The following PARD3B variants were observed in gnomAD, a reference collection of about 807,000 sequenced individuals.
The protein encoded by PARD3B is par-3 family cell polarity regulator beta.
Under a neutral mutation model 130.2 loss-of-function variants are expected in PARD3B, and 103 were observed. That is an observed-to-expected ratio of 0.79 (90% confidence interval 0.67 to 0.93). The LOEUF (loss-of-function observed/expected upper bound fraction) is 0.93, where lower values mean the gene tolerates loss of function less well. Ranked by LOEUF, PARD3B falls within the 40% of genes least tolerant of loss-of-function variation. PARD3B has a pLI of 0.00. For missense variants in PARD3B, 1,609 were observed against 1,499.2 expected, an observed-to-expected ratio of 1.07 and a Z score of -1.21; for synonymous variants, 583 against 553.2, an observed-to-expected ratio of 1.05 and a Z score of -0.76.
chr2:205,590,874 C>A lies in PARD3B; in HGVS notation c.3261-24582C>A, dbSNP rs61081943. On this transcript the variant is annotated intron_variant, in intron 22 of 22. Coordinates refer to ENST00000406610, the MANE Select transcript of PARD3B (RefSeq NM_001302769.2). This position sits in a 1 kb window ranked among gnomAD's most constrained non-coding sequence, Gnocchi z 4.1. ...TCCGGTCTGCTTGTCATTTGACCCA[C>A]AGGCTTCAAGAATACTTCCTCAAGT... Among the ~76,000 whole-genome samples, 4 of 152,224 alleles carry A rather than the reference C, an allele frequency of 2.6e-5. No individual in the cohort carries two copies. In the East Asian group the frequency reaches 7.8e-4, roughly 30 times the overall value.
intron 12 of PARD3B, among the ~76,000 whole-genome samples, chr2:205,173,342 G>A (rs757395807): frequency 6.6e-5 from 10 of 152,174 alleles, no homozygotes; most frequent in Admixed American, 1.3e-4. Context: ...CAGCTCTGGA[G>A]TTTCGAATTG....
rs374196715 is a variant in PARD3B, at chr2:205,525,856, G to A, written c.3180+25825G>A. Among the ~76,000 whole-genome samples the A allele has an allele frequency of 9.9e-5, 15 of 152,282 alleles. 1 individual carries two copies. Among genetic ancestry groups the A allele is most frequent in the South Asian group, 6.2e-4 (3 of 4,824 alleles). On this transcript the variant is annotated intron_variant, in intron 21 of 22. Coordinates refer to ENST00000406610, the MANE Select transcript of PARD3B (RefSeq NM_001302769.2). The surrounding 1 kb of genome is among the most constrained non-coding windows in gnomAD (Gnocchi z 4.2). Reference sequence around the variant, plus strand: ...ACTTGGATTCTGCCTATGGGTCCACGTTGTGTACCCAGTCCCGGGAAGGTG... The same window carrying A: ...ACTTGGATTCTGCCTATGGGTCCACATTGTGTACCCAGTCCCGGGAAGGTG...
At chr2:204,998,352 A>ATGTG (rs1432025396) in intron 3 of PARD3B, among the ~76,000 whole-genome samples, 1 of 74,934 alleles carries the variant, frequency 1.3e-5, no homozygotes, top group African/African-American at 6.7e-5. Context: ...ATATATATAT[A>ATGTG]TATATATGTG....
intron 4 of PARD3B, among the ~76,000 whole-genome samples, chr2:205,072,439 C>T (rs1381427556): frequency 2.0e-5 from 3 of 151,854 alleles, no homozygotes; most frequent in East Asian, 1.9e-4. Context: ...TTGGTAGAGA[C>T]GGGGTTTCAC....
intron 2 of PARD3B, among the ~76,000 whole-genome samples, chr2:204,775,530 A>T (rs904906173): frequency 6.6e-6 from 1 of 152,162 alleles, no homozygotes; most frequent in Non-Finnish European, 1.5e-5. Context: ...AGGAGCCAGG[A>T]TTGGAATCCA....
chr2:205,370,081 C>T (rs371022977), intron 18 of PARD3B, among the ~76,000 whole-genome samples: 3 of 152,048 alleles, frequency 2.0e-5, no homozygotes, highest in African/African-American at 7.2e-5. Context: ...ACCTAGAGAC[C>T]CTTGCAAACA....
At chr2:205,063,924 G>A (rs543112232) in intron 4 of PARD3B, among the ~76,000 whole-genome samples, 26 of 138,114 alleles carry the variant, frequency 1.9e-4, no homozygotes, top group African/African-American at 6.8e-4. Context: ...AGAGATGCTT[G>A]GAAATAAAAA....
In PARD3B at chr2:205,130,726, G is replaced by A. The variant is rs935773743; in HGVS notation, c.1434+4989G>A. 5.3e-5 allele frequency among the ~76,000 whole-genome samples: 8 copies of A among 152,180 alleles called. 1 individual carries two copies. The highest frequency in any genetic ancestry group is 4.1e-4 in the South Asian group (2 of 4,826). On this transcript the variant is annotated intron_variant, in intron 10 of 22. Coordinates refer to ENST00000406610, the MANE Select transcript of PARD3B (RefSeq NM_001302769.2). ...TGTATTTATAATTTCTACCTGCCAC[G>A]TTTGCCTGCTATTTGATGCTGGCCT...
intron 22 of PARD3B, among the ~76,000 whole-genome samples, chr2:205,599,576 G>A (rs563576014): frequency 6.6e-6 from 1 of 152,306 alleles, no homozygotes; most frequent in South Asian, 2.1e-4. Context: ...AGGTGTCAGA[G>A]GGCAAGGGAA....
chr2:205,261,865 G>T (rs948788998), intron 16 of PARD3B, among the ~76,000 whole-genome samples: 2 of 152,122 alleles, frequency 1.3e-5, no homozygotes, highest in Non-Finnish European at 2.9e-5. Context: ...ATACTAATTA[G>T]AATTCTTTTT....
intron 12 of PARD3B, among the ~76,000 whole-genome samples, chr2:205,173,401 A>G (rs2035288326): frequency 1.3e-5 from 2 of 152,174 alleles, no homozygotes; most frequent in South Asian, 4.1e-4. Context: ...GTAAGTACAT[A>G]CATAATTTAG....
At chr2:205,049,460 C>T (rs775695987) in intron 4 of PARD3B, among the ~76,000 whole-genome samples, 1 of 152,104 alleles carries the variant, frequency 6.6e-6, no homozygotes, top group African/African-American at 2.4e-5. Context: ...CCACAGGGTA[C>T]CTCCCCCAAC....
rs17251053 is a variant in PARD3B at position 205,265,478 on chromosome 2, G to C, written c.2185+19656G>C. Among the ~76,000 whole-genome samples the C allele has an allele frequency of 0.042, 6,383 of 151,978 alleles. 164 individuals are homozygous for C. Among genetic ancestry groups the C allele is most frequent in the African/African-American group, 0.058 (2,420 of 41,484 alleles). ...TTGCTTTTCTGCCTACAAATGGGACGATTCCTGATATGTGTAGATTAGGGT... is the reference window on the plus strand; with the variant it reads ...TTGCTTTTCTGCCTACAAATGGGACCATTCCTGATATGTGTAGATTAGGGT... On this transcript the variant is annotated intron_variant, in intron 16 of 22. Coordinates refer to ENST00000406610, the MANE Select transcript of PARD3B (RefSeq NM_001302769.2). This position sits in a 1 kb window ranked among gnomAD's most constrained non-coding sequence, Gnocchi z 4.3.
intron 22 of PARD3B, among the ~76,000 whole-genome samples, chr2:205,580,773 G>A (rs2106567861): frequency 6.6e-6 from 1 of 152,262 alleles, no homozygotes; most frequent in South Asian, 2.1e-4. Context: ...ACCAATGGTT[G>A]CTGCATTCTT....
At chr2:205,345,473 G>A (rs1469353298) in intron 18 of PARD3B, among the ~76,000 whole-genome samples, 6 of 152,084 alleles carry the variant, frequency 3.9e-5, no homozygotes, top group African/African-American at 9.7e-5. Context: ...CTTAAGGAGG[G>A]TGGGAGGAGG....
At chr2:205,173,425 T>C (rs1264625351) in intron 12 of PARD3B, among the ~76,000 whole-genome samples, 3 of 152,202 alleles carry the variant, frequency 2.0e-5, no homozygotes, top group Admixed American at 6.5e-5. Flanking sequence ...TTGGTATTCA[T>C]AGATGACAGA....
chr2:205,592,952 A>G lies in PARD3B; in HGVS notation c.3261-22504A>G, dbSNP rs988906702. Among the ~76,000 whole-genome samples, 2 of 152,242 alleles carry G rather than the reference A, an allele frequency of 1.3e-5. No homozygotes were observed. Among genetic ancestry groups the G allele is most frequent in the African/African-American group, 2.4e-5 (1 of 41,470 alleles). ...AGCACTGTGTTTTGTCTTTCATCTCATTGCCCAGCTAGGTGCAACCTGGAT... is the reference window on the plus strand; with the variant it reads ...AGCACTGTGTTTTGTCTTTCATCTCGTTGCCCAGCTAGGTGCAACCTGGAT... On this transcript the variant is annotated intron_variant, in intron 22 of 22. Coordinates refer to ENST00000406610, the MANE Select transcript of PARD3B (RefSeq NM_001302769.2). The surrounding 1 kb of genome is among the most constrained non-coding windows in gnomAD (Gnocchi z 4.5).
At chr2:205,549,074 T>C (rs566837721) in intron 21 of PARD3B, among the ~76,000 whole-genome samples, 95 of 152,268 alleles carry the variant, frequency 6.2e-4, no homozygotes, top group Middle Eastern at 3.4e-3. Flanking sequence ...GAGATATGAC[T>C]ACACACCTAT....
chr2:204,789,860 T>C (rs1168215665), intron 2 of PARD3B, among the ~76,000 whole-genome samples: 1 of 141,668 alleles, frequency 7.1e-6, no homozygotes, highest in East Asian at 2.0e-4. Context: ...AAGGTGAATT[T>C]TTAGTTTTCT....
Sources: gnomAD v4.1 joint callset for allele counts (sites outside exome capture counted in the v4.1 genomes callset) on GRCh38, gnomAD v4.1.1 for gene constraint, Gnocchi (gnomAD v3.1) non-coding constraint, MANE v1.5 for transcripts, NCBI Gene and HGNC (gene_info 2026-07-23, HGNC 2026-07-21) for gene names.